GNAS-AS1: variants seen among roughly 807,000 people sequenced by gnomAD.
GNAS-AS1 encodes GNAS antisense RNA 1 (non-protein coding).
rs2145476540 is a variant in GNAS-AS1, at chr20:58,841,239, C to A, written n.819+698G>T. On this transcript the variant is annotated intron_variant and non_coding_transcript_variant, in intron 4 of 4. Coordinates refer to ENST00000424094, the Ensembl canonical transcript of GNAS-AS1. The surrounding 1 kb of genome is among the most constrained non-coding windows in gnomAD (Gnocchi z 5.0). ...CGGCATTGGTAAGTCACTTGTTTTG[C>A]GCGCTTTTCTTCCTCCTAGAAAGAC... 1 of 869,194 alleles carries A rather than the reference C, an allele frequency of 1.2e-6. No homozygotes were observed. The highest frequency in any genetic ancestry group is 1.5e-6 in the Non-Finnish European group (1 of 682,452). 53.8% of individuals were successfully genotyped at this position (869,194 alleles called of 1,614,324 possible).
chr20:58,837,706 G>A (rs1351037386), intron 4 of GNAS-AS1, among the ~76,000 whole-genome samples: 1 of 152,194 alleles, frequency 6.6e-6, no homozygotes, highest in Non-Finnish European at 1.5e-5. Context: ...GCCTCCCAAA[G>A]TGCTGGGATC....
chr20:58,829,072 C>A (rs2085539113), intron 4 of GNAS-AS1, among the ~76,000 whole-genome samples: 1 of 152,208 alleles, frequency 6.6e-6, no homozygotes. Flanking sequence ...CCCACCACCC[C>A]ACTCAACATG....
At chr20:58,832,409 T>C (rs966168618) in intron 4 of GNAS-AS1, among the ~76,000 whole-genome samples, 8 of 152,200 alleles carry the variant, frequency 5.3e-5, no homozygotes, top group African/African-American at 1.9e-4. Flanking sequence ...TTGAACGCCA[T>C]TCCAGTCAAA....
intron 4 of GNAS-AS1, among the ~76,000 whole-genome samples, chr20:58,819,599 A>G (rs966637864): frequency 4.6e-5 from 7 of 152,144 alleles, no homozygotes; most frequent in Non-Finnish European, 1.0e-4. Context: ...CATCTGCCAG[A>G]GTCAAATTCT....
intron 2 of GNAS-AS1, among the ~76,000 whole-genome samples, chr20:58,845,320 G>GT (rs556429285): frequency 6.6e-6 from 1 of 152,198 alleles, no homozygotes; most frequent in Non-Finnish European, 1.5e-5. Context: ...CTCAACCTTT[G>GT]TTTTTTTCAT....
chr20:58,840,148 C>T lies in GNAS-AS1; in HGVS notation n.819+1789G>A. 1 of 1,611,698 alleles carries T rather than the reference C, an allele frequency of 6.2e-7. No individual in the cohort carries two copies. Among genetic ancestry groups the T allele is most frequent in the Non-Finnish European group, 8.5e-7 (1 of 1,179,980 alleles). The stretch of plus-strand genomic sequence containing the variant: ...GGGCTCAGCAGTGGCGCCGAGCTCG[C>T]CATAATTACAACGACCTGTGCCCGC... On this transcript the variant is annotated intron_variant and non_coding_transcript_variant, in intron 4 of 4. Coordinates refer to ENST00000424094, the Ensembl canonical transcript of GNAS-AS1. The surrounding 1 kb of genome is among the most constrained non-coding windows in gnomAD (Gnocchi z 6.0).
chr20:58,829,786 A>C (rs930750352), intron 4 of GNAS-AS1, among the ~76,000 whole-genome samples: 15 of 152,166 alleles, frequency 9.9e-5, no homozygotes, highest in Admixed American at 9.8e-4. Context: ...AGGGGGAAAA[A>C]AACAAAAGAA....
At chr20:58,839,075 G>T (rs146481469) in intron 4 of GNAS-AS1, 187 of 398,546 alleles carry the variant, frequency 4.7e-4, no homozygotes, top group African/African-American at 3.6e-3. Context: ...CTCAGCTCCA[G>T]TCCACTTCCA....
chr20:58,839,007 A>G (rs1246077127), intron 4 of GNAS-AS1: 6 of 395,604 alleles, frequency 1.5e-5, no homozygotes, highest in African/African-American at 1.0e-4. Flanking sequence ...ACTGCCCCGC[A>G]GGAGAGAAGT....
intron 4 of GNAS-AS1, among the ~76,000 whole-genome samples, chr20:58,820,656 T>G (rs1207348194): frequency 6.6e-6 from 1 of 152,248 alleles, no homozygotes; most frequent in African/African-American, 2.4e-5. Flanking sequence ...GACTTACAGT[T>G]CCATGTGACT....
Position 58,841,904 on chromosome 20 carries a change from A to T in GNAS-AS1, n.819+33T>A. 2 of 1,229,392 alleles carry T rather than the reference A, an allele frequency of 1.6e-6. No homozygotes were observed. The highest frequency in any genetic ancestry group is 4.1e-5 in the South Asian group (1 of 24,188). 76.2% of individuals were successfully genotyped at this position (1,229,392 alleles called of 1,614,324 possible). Reference sequence around the variant, plus strand: ...AAGCGGAACAAGGGACAGGCTGGAGACGGGGGTCGCGTCTAACATCAGGAT... The same window carrying T: ...AAGCGGAACAAGGGACAGGCTGGAGTCGGGGGTCGCGTCTAACATCAGGAT... On this transcript the variant is annotated intron_variant and non_coding_transcript_variant, in intron 4 of 4. Transcript: ENST00000424094. This position sits in a 1 kb window ranked among gnomAD's most constrained non-coding sequence, Gnocchi z 5.0.
chr20:58,843,794 T>G (rs2085835486), intron 2 of GNAS-AS1, among the ~76,000 whole-genome samples: 1 of 152,234 alleles, frequency 6.6e-6, no homozygotes, highest in Non-Finnish European at 1.5e-5. Flanking sequence ...AAGGTGCTCT[T>G]GTAACTGAAC....
At chr20:58,850,880 G>A in exon 1 of GNAS-AS1, 1 of 398,756 alleles carries the variant, frequency 2.5e-6, no homozygotes, top group Non-Finnish European at 4.4e-6. Context: ...CACCTCTTCG[G>A]GCGTTCCAAC....
intron 4 of GNAS-AS1, among the ~76,000 whole-genome samples, chr20:58,821,099 T>C (rs545649777): frequency 6.6e-6 from 1 of 152,328 alleles, no homozygotes; most frequent in Non-Finnish European, 1.5e-5. Context: ...CCCGCTGCAC[T>C]TGCAATCAGA....
intron 4 of GNAS-AS1, among the ~76,000 whole-genome samples, chr20:58,819,721 A>G (rs1049079784): frequency 5.9e-5 from 9 of 152,170 alleles, no homozygotes; most frequent in Non-Finnish European, 1.3e-4. Context: ...CTGATCCTGT[A>G]GGGCCGGGGC....
chr20:58,844,634 A>C (rs1167166360), intron 2 of GNAS-AS1, among the ~76,000 whole-genome samples: 1 of 152,154 alleles, frequency 6.6e-6, no homozygotes, highest in Non-Finnish European at 1.5e-5. Context: ...AAATGTCTAG[A>C]TTGATTAGCT....
Position 58,825,436 on chromosome 20 carries a change from G to A in GNAS-AS1, n.820-6181C>T, listed in dbSNP as rs1186549062. 4.6e-5 allele frequency among the ~76,000 whole-genome samples: 7 copies of A among 152,310 alleles called. No homozygotes were observed. The East Asian group carries it at 5.8e-4, about 13-fold the overall frequency. On this transcript the variant is annotated intron_variant and non_coding_transcript_variant, in intron 4 of 4. Coordinates refer to ENST00000424094, the Ensembl canonical transcript of GNAS-AS1. ...CTGCACCTGGAGGGACATCAGCCAC[G>A]CTGCCATTTCCAGAGCATGCACTTG...
chr20:58,839,650 C>T (rs2085649037), intron 4 of GNAS-AS1: 2 of 428,492 alleles, frequency 4.7e-6, no homozygotes, highest in Non-Finnish European at 8.2e-6. Flanking sequence ...CACCACGCAG[C>T]TCGCGGGGAG....
Position 58,840,939 on chromosome 20 carries a change from CA to C in GNAS-AS1, n.819+997del. The C allele has an allele frequency of 6.3e-7, 1 of 1,590,268 alleles. No individual in the cohort carries two copies. The highest frequency in any genetic ancestry group is 2.3e-5 in the East Asian group (1 of 44,308). ...GCCTGAGGGCGGTGTGGGAGCAGCG[CA>C]GGTGGAAAGGAGGTGAGAAGGAAAG... On this transcript the variant is annotated intron_variant and non_coding_transcript_variant, in intron 4 of 4. Transcript: ENST00000424094. This position sits in a 1 kb window ranked among gnomAD's most constrained non-coding sequence, Gnocchi z 6.0.
Sources: allele counts gnomAD v4.1 joint callset (sites outside exome capture counted in the v4.1 genomes callset), GRCh38; gene constraint gnomAD v4.1.1; non-coding constraint Gnocchi (gnomAD v3.1); transcripts MANE v1.5; gene names NCBI Gene and HGNC (gene_info 2026-07-23, HGNC 2026-07-21).